The following TBC1D19 variants were observed in gnomAD, a reference collection of about 807,000 sequenced individuals.
TBC1D19 encodes the protein TBC1 domain family, member 19.
A neutral mutation model predicts 89.0 loss-of-function variants in TBC1D19; 60 were observed. The observed-to-expected ratio is 0.67, with a 90% CI of 0.55 to 0.84. The LOEUF is 0.84. Among genes scored for constraint, TBC1D19 ranks in the 40% least tolerant of loss-of-function variants. The pLI is 0.00. For synonymous variants in TBC1D19, 189 were observed against 199.7 expected (o/e 0.95, Z 0.45); for missense variants, 500 against 610.8 (o/e 0.82, Z 1.91).
intron 18 of TBC1D19, 90 bp from the exon 19 acceptor site, chr4:26,748,321 T>C: frequency 2.3e-6 from 2 of 866,268 alleles, no homozygotes; most frequent in Admixed American, 2.1e-5. Flanking sequence ...CTAAGACTCT[T>C]GAATAGAATT....
At chr4:26,709,928 C>A (rs1041849436) in intron 13 of TBC1D19, among the ~76,000 whole-genome samples, 1 of 151,982 alleles carries the variant, frequency 6.6e-6, no homozygotes, top group African/African-American at 2.4e-5. Context: ...AGATCCCAAG[C>A]CCATACAGCT....
chr4:26,641,902 C>A (rs1743569467), intron 7 of TBC1D19, among the ~76,000 whole-genome samples: 1 of 151,956 alleles, frequency 6.6e-6, no homozygotes, highest in African/African-American at 2.4e-5. Flanking sequence ...AAGAAACCAA[C>A]AATGCCTCCA....
intron 13 of TBC1D19, among the ~76,000 whole-genome samples, chr4:26,697,595 T>C (rs923405196): frequency 9.5e-5 from 14 of 147,750 alleles, no homozygotes; most frequent in African/African-American, 3.4e-4. Flanking sequence ...CTGATCAACA[T>C]TGATGCAAAA....
chr4:26,646,992 A>T (rs75911402), intron 7 of TBC1D19, among the ~76,000 whole-genome samples: 308 of 152,338 alleles, frequency 2.0e-3, no homozygotes, highest in African/African-American at 7.0e-3. Context: ...TGCCTGGCAC[A>T]TATACATACT....
At chr4:26,669,561 A>C (rs1712107268) in intron 9 of TBC1D19, among the ~76,000 whole-genome samples, 1 of 151,782 alleles carries the variant, frequency 6.6e-6, no homozygotes, top group African/African-American at 2.4e-5. Flanking sequence ...CTTAGGACAG[A>C]AAATAGCATT....
At position 26,739,960 on chromosome 4, in the gene TBC1D19, C is replaced by T. The variant is rs1460287358; in HGVS notation, c.1214C>T (p.Ser405Phe). Residue 405 changes from serine to phenylalanine, a missense_variant, in exon 17 of 21, where the codon TCT becomes TTT. Ser to Phe is a radical substitution (Grantham distance 155, BLOSUM62 -2). This residue lies in a region of TBC1D19 where 220 missense variants were observed against 319.1 expected (regional missense o/e 0.69). Coordinates refer to ENST00000264866, the MANE Select transcript of TBC1D19 (RefSeq NM_018317.4). ...VRFFFRLHSI[S>F]SHPSGIVSLC... is the part of the protein sequence containing the mutation. The stretch of plus-strand genomic sequence containing the variant: ...TTTTTCTTCAGACTCCATTCCATCT[C>T]TTCTCATCCTTCTGTAAGTTCATAA... 3 of 1,575,302 alleles carry T rather than the reference C, an allele frequency of 1.9e-6. No homozygotes were observed. Among genetic ancestry groups the T allele is most frequent in the Non-Finnish European group, 2.6e-6 (3 of 1,158,448 alleles).
intron 13 of TBC1D19, among the ~76,000 whole-genome samples, chr4:26,707,524 A>G (rs1042652425): frequency 1.3e-5 from 2 of 151,948 alleles, no homozygotes; most frequent in Admixed American, 6.6e-5. Flanking sequence ...ATGCATTTAC[A>G]TTTAAAGTAA....
At chr4:26,788,084 C>T in the TBC1D19 span, among the ~76,000 whole-genome samples, 1 of 152,178 alleles carries the variant, frequency 6.6e-6, no homozygotes, top group Admixed American at 6.5e-5. Context: ...TCTGCTGTGA[C>T]TCACCCTTTC....
At chr4:26,770,375 C>T in the TBC1D19 span, among the ~76,000 whole-genome samples, 2 of 151,990 alleles carry the variant, frequency 1.3e-5, no homozygotes, top group African/African-American at 2.4e-5. Context: ...CATTTATGCA[C>T]ATAACAGAGT....
chr4:26,714,916 C>G (rs911434160), intron 13 of TBC1D19, among the ~76,000 whole-genome samples: 3 of 152,042 alleles, frequency 2.0e-5, no homozygotes, highest in Non-Finnish European at 4.4e-5. Flanking sequence ...TTACTCACTA[C>G]TCAGTTGTCT....
intron 3 of TBC1D19, among the ~76,000 whole-genome samples, chr4:26,616,107 T>C (rs1305047032): frequency 6.6e-6 from 1 of 152,170 alleles, no homozygotes; most frequent in African/African-American, 2.4e-5. Context: ...ATTTGGGTTC[T>C]GAACAAATTA....
At chr4:26,641,634 C>G (rs1743545578) in intron 7 of TBC1D19, among the ~76,000 whole-genome samples, 1 of 151,872 alleles carries the variant, frequency 6.6e-6, no homozygotes, top group African/African-American at 2.4e-5. Flanking sequence ...CGTCTCTGAG[C>G]TAAAGAAGGA....
chr4:26,587,287 C>G (rs894272210), intron 1 of TBC1D19, among the ~76,000 whole-genome samples: 4 of 152,048 alleles, frequency 2.6e-5, no homozygotes, highest in African/African-American at 9.7e-5. Flanking sequence ...ATGAAAGATA[C>G]TGGTTTGTGG....
At chr4:26,684,354 TCGGA>T (rs966249646) in intron 12 of TBC1D19, among the ~76,000 whole-genome samples, 19 of 152,164 alleles carry the variant, frequency 1.2e-4, no homozygotes, top group African/African-American at 3.1e-4. Flanking sequence ...AAAGGTTTGA[TCGGA>T]CTGGATCCTG....
chr4:26,827,157 C>G, the TBC1D19 span, among the ~76,000 whole-genome samples: 1 of 152,216 alleles, frequency 6.6e-6, no homozygotes, highest in Non-Finnish European at 1.5e-5. Flanking sequence ...TTCCTGGCTC[C>G]TTAACACAAA....
chr4:26,795,603 C>T, the TBC1D19 span, among the ~76,000 whole-genome samples: 1 of 152,154 alleles, frequency 6.6e-6, no homozygotes. Context: ...CATGATGGCT[C>T]TTCTCTAGGA....
the TBC1D19 span, among the ~76,000 whole-genome samples, chr4:26,823,125 G>A: frequency 6.6e-6 from 1 of 152,178 alleles, no homozygotes; most frequent in South Asian, 2.1e-4. Context: ...ATGGCAGAAG[G>A]CAAGGAGGAG....
intron 1 of TBC1D19, among the ~76,000 whole-genome samples, chr4:26,598,430 T>C (rs1740372212): frequency 1.3e-5 from 2 of 152,196 alleles, no homozygotes; most frequent in South Asian, 2.1e-4. Flanking sequence ...AGTCTTGCTC[T>C]GTCGCCCAGA....
chr4:26,614,898 G>A (rs1332066796), intron 3 of TBC1D19, among the ~76,000 whole-genome samples: 2 of 151,976 alleles, frequency 1.3e-5, no homozygotes, highest in East Asian at 3.9e-4. Context: ...GTCTAGTCTC[G>A]AACTCCTGAC....
Sources: gnomAD v4.1 joint callset for allele counts (sites outside exome capture counted in the v4.1 genomes callset) on GRCh38, gnomAD v4.1.1 for gene constraint, gnomAD v4.1.1 regional missense constraint, MANE v1.5 for transcripts, NCBI Gene and HGNC (gene_info 2026-07-23, HGNC 2026-07-21) for gene names.